The following PLPP4 variants were observed in gnomAD, a reference collection of about 807,000 sequenced individuals.
PLPP4 encodes diacylglycerol pyrophosphate like 2.
In PLPP4, 20 loss-of-function variants were observed where a neutral mutation model predicts 32.2. The ratio of observed to expected loss-of-function variants is 0.62; its 90% CI spans 0.44 to 0.90. PLPP4 has a LOEUF of 0.90. Among genes scored for constraint, PLPP4 ranks in the 40% least tolerant of loss-of-function variants. PLPP4 has a pLI of 0.00. For synonymous variants in PLPP4, 127 were observed against 133.0 expected (o/e 0.95, Z 0.31); for missense variants, 257 against 353.1 (o/e 0.73, Z 2.18).
At chr10:120,533,391 T>C (rs371062105) in intron 5 of PLPP4, among the ~76,000 whole-genome samples, 1 of 152,296 alleles carries the variant, frequency 6.6e-6, no homozygotes. Flanking sequence ...GAAGTTTAAG[T>C]GTGGTTTTAC....
At chr10:120,535,977 C>A (rs1358543215) in intron 5 of PLPP4, among the ~76,000 whole-genome samples, 1 of 151,976 alleles carries the variant, frequency 6.6e-6, no homozygotes, top group African/African-American at 2.4e-5. Context: ...TCAAAATTAC[C>A]ATGTGTCCTT....
At chr10:120,560,985 A>G (rs1310156042) in intron 5 of PLPP4, among the ~76,000 whole-genome samples, 1 of 152,262 alleles carries the variant, frequency 6.6e-6, no homozygotes, top group Admixed American at 6.5e-5. Context: ...TCAAGGGTCA[A>G]CTGTATATGT....
rs144966559 is a variant in PLPP4 at position 120,559,425 on chromosome 10, C to T, written c.446-15706C>T. Among the ~76,000 whole-genome samples, 1,060 of 152,016 alleles carry T rather than the reference C, an allele frequency of 7.0e-3. 5 individuals are homozygous for T. The highest frequency in any genetic ancestry group is 0.012 in the Non-Finnish European group (787 of 67,984). On this transcript the variant is annotated intron_variant, in intron 5 of 6. Transcript: ENST00000398250. ...CCTTATTAAAGAAAGAGTACATACA[C>T]ATTGTAGAAAGTTAAAATATACAGA...
intron 1 of PLPP4, among the ~76,000 whole-genome samples, chr10:120,485,956 C>T (rs187648940): frequency 7.9e-5 from 12 of 152,252 alleles, no homozygotes; most frequent in African/African-American, 2.6e-4. Flanking sequence ...AACTGCTGCA[C>T]GATATTCTTG....
rs538519552 is a variant in PLPP4 at position 120,522,310 on chromosome 10, C to T, written c.445+1215C>T. The stretch of plus-strand genomic sequence containing the variant: ...TGTCTGTTGAACATGTTGCTCAGAG[C>T]CGTTGAAGAATAGGGCCTGTCAACG... On this transcript the variant is annotated intron_variant, in intron 5 of 6. Coordinates refer to ENST00000398250, the MANE Select transcript of PLPP4 (RefSeq NM_001030059.3). Among the ~76,000 whole-genome samples the T allele has an allele frequency of 3.9e-5, 6 of 152,222 alleles. No homozygotes were observed. The South Asian group carries it at 1.3e-3, about 32-fold the overall frequency.
intron 6 of PLPP4, among the ~76,000 whole-genome samples, chr10:120,584,389 G>A (rs890909583): frequency 1.3e-5 from 2 of 152,186 alleles, no homozygotes; most frequent in African/African-American, 4.8e-5. Context: ...CCCCTTTGCT[G>A]GAAACTCTGG....
At chr10:120,531,995 G>A (rs2133938785) in intron 5 of PLPP4, among the ~76,000 whole-genome samples, 1 of 152,120 alleles carries the variant, frequency 6.6e-6, no homozygotes, top group South Asian at 2.1e-4. Context: ...ATGTGCCATG[G>A]TGGTTTGCTG....
At chr10:120,463,635 T>C (rs1848176941) in intron 1 of PLPP4, among the ~76,000 whole-genome samples, 2 of 152,304 alleles carry the variant, frequency 1.3e-5, no homozygotes, top group African/African-American at 4.8e-5. Flanking sequence ...CACAGCACAG[T>C]GGTTACAACT....
chr10:120,567,476 A>AC (rs1469227958), intron 5 of PLPP4, among the ~76,000 whole-genome samples: 6 of 152,146 alleles, frequency 3.9e-5, no homozygotes, highest in African/African-American at 1.4e-4. Flanking sequence ...GTTGAGGGGG[A>AC]CACCACACTG....
In PLPP4 at chr10:120,564,318, T is replaced by C. The variant is rs140261307; in HGVS notation, c.446-10813T>C. On this transcript the variant is annotated intron_variant, in intron 5 of 6. Coordinates refer to ENST00000398250, the MANE Select transcript of PLPP4 (RefSeq NM_001030059.3). ...AATAGTTTATAATTCAATTGCATTA[T>C]GGTCAGATAGAGATCTATACAGATA... 1.1e-4 allele frequency among the ~76,000 whole-genome samples: 17 copies of C among 152,160 alleles called. No homozygotes were observed. In the East Asian group the frequency reaches 3.3e-3, roughly 29 times the overall value.
At chr10:120,513,026 T>C (rs1444181328) in intron 2 of PLPP4, among the ~76,000 whole-genome samples, 2 of 152,204 alleles carry the variant, frequency 1.3e-5, no homozygotes, top group African/African-American at 4.8e-5. Context: ...TCTTCTGATA[T>C]TGTTATCCTG....
intron 2 of PLPP4, among the ~76,000 whole-genome samples, chr10:120,510,097 T>G (rs1293568798): frequency 6.6e-6 from 1 of 152,186 alleles, no homozygotes; most frequent in Non-Finnish European, 1.5e-5. Flanking sequence ...CTGTGAGAAG[T>G]GAATGAGTTA....
chr10:120,463,484 C>T (rs766029250), intron 1 of PLPP4, among the ~76,000 whole-genome samples: 3 of 152,152 alleles, frequency 2.0e-5, no homozygotes, highest in Non-Finnish European at 4.4e-5. Flanking sequence ...GGAAATGGAG[C>T]TAATACTTAC....
chr10:120,565,137 G>A (rs1393605236), intron 5 of PLPP4, among the ~76,000 whole-genome samples: 1 of 152,120 alleles, frequency 6.6e-6, no homozygotes, highest in Non-Finnish European at 1.5e-5. Flanking sequence ...ATTTGACAAT[G>A]TTATCTGGTA....
chr10:120,539,962 C>A (rs1847256517), intron 5 of PLPP4, among the ~76,000 whole-genome samples: 1 of 151,266 alleles, frequency 6.6e-6, no homozygotes, highest in Non-Finnish European at 1.5e-5. Flanking sequence ...ACCAGCTGAG[C>A]CTCCCTCCAC....
intron 5 of PLPP4, among the ~76,000 whole-genome samples, chr10:120,555,394 G>C (rs1034891874): frequency 5.9e-5 from 9 of 152,136 alleles, no homozygotes; most frequent in African/African-American, 2.2e-4. Context: ...ATGTGAGACA[G>C]TTTAGATAAA....
At chr10:120,539,506 A>G (rs988672755) in intron 5 of PLPP4, among the ~76,000 whole-genome samples, 4 of 152,198 alleles carry the variant, frequency 2.6e-5, no homozygotes, top group African/African-American at 9.7e-5. Flanking sequence ...TGAAAGACTA[A>G]CATGAACACC....
chr10:120,571,591 A>C (rs1164003509), intron 5 of PLPP4, among the ~76,000 whole-genome samples: 3 of 152,102 alleles, frequency 2.0e-5, no homozygotes, highest in African/African-American at 4.8e-5. Flanking sequence ...TTTTCCTCCC[A>C]GTTGAACTTG....
intron 1 of PLPP4, among the ~76,000 whole-genome samples, chr10:120,496,877 GAA>G (rs1844988414): frequency 6.6e-6 from 1 of 151,280 alleles, no homozygotes; most frequent in Non-Finnish European, 1.5e-5. Flanking sequence ...GAGAGAGAGA[GAA>G]AGGAATAGGG....
Sources: gnomAD v4.1 joint callset for allele counts (sites outside exome capture counted in the v4.1 genomes callset) on GRCh38, gnomAD v4.1.1 for gene constraint, MANE v1.5 for transcripts, NCBI Gene and HGNC (gene_info 2026-07-23, HGNC 2026-07-21) for gene names.